Variants in REDIC1 observed in about 807,000 individuals in gnomAD.
REDIC1 encodes HEI10 Interacting Protein 1.
the REDIC1 span, chr12:39,829,802 A>G: frequency 2.9e-6 from 1 of 348,166 alleles, no homozygotes; most frequent in African/African-American, 2.1e-5. Context: ...AACAATATGC[A>G]GTGGGAGAAA....
the REDIC1 span, among the ~76,000 whole-genome samples, chr12:39,788,330 T>G: frequency 3.9e-5 from 6 of 152,178 alleles, no homozygotes; most frequent in Non-Finnish European, 5.9e-5. Context: ...TTGGGGCCAT[T>G]ATTAAGTAAC....
the REDIC1 span, among the ~76,000 whole-genome samples, chr12:39,863,898 A>G: frequency 6.6e-6 from 1 of 152,204 alleles, no homozygotes; most frequent in African/African-American, 2.4e-5. Context: ...TTAATTTCAT[A>G]TAGGGTTGTA....
the REDIC1 span, among the ~76,000 whole-genome samples, chr12:39,694,426 GTAC>G: frequency 3.7e-5 from 3 of 80,726 alleles, no homozygotes; most frequent in South Asian, 6.9e-4. Flanking sequence ...GTGATTCTGT[GTAC>G]TGGGGAGAGG....
At chr12:39,762,134 G>T in the REDIC1 span, among the ~76,000 whole-genome samples, 1 of 152,044 alleles carries the variant, frequency 6.6e-6, no homozygotes. Context: ...CTCAGTGTGG[G>T]TTCCAATGGT....
chr12:39,758,220 G>GT, the REDIC1 span: 1 of 151,562 alleles, frequency 6.6e-6, no homozygotes, highest in African/African-American at 2.4e-5. Context: ...GGGAGAAAAC[G>GT]TTTTTGTTTT....
chr12:39,685,188 C>G, the REDIC1 span, among the ~76,000 whole-genome samples: 2 of 152,160 alleles, frequency 1.3e-5, no homozygotes, highest in Non-Finnish European at 2.9e-5. Flanking sequence ...TTAAGTATTA[C>G]AAAACTTCTG....
At chr12:39,695,595 A>G in the REDIC1 span, among the ~76,000 whole-genome samples, 1 of 152,176 alleles carries the variant, frequency 6.6e-6, no homozygotes, top group Non-Finnish European at 1.5e-5. Context: ...AATACCAGGT[A>G]GACTGCTAAG....
chr12:39,643,170 A>G, the REDIC1 span, among the ~76,000 whole-genome samples: 3 of 151,712 alleles, frequency 2.0e-5, no homozygotes, highest in African/African-American at 7.2e-5. Flanking sequence ...TGTAACCTGA[A>G]AGAAAAAGAA....
At chr12:39,808,239 C>A in the REDIC1 span, among the ~76,000 whole-genome samples, 1 of 152,084 alleles carries the variant, frequency 6.6e-6, no homozygotes, top group Non-Finnish European at 1.5e-5. Flanking sequence ...TTGCCCAACA[C>A]AATGTTTCTG....
At chr12:39,755,162 T>TATC in the REDIC1 span, 6 of 152,124 alleles carry the variant, frequency 3.9e-5, no homozygotes, top group Admixed American at 3.9e-4. Context: ...TTTACATGTA[T>TATC]ATCACTAAAT....
At chr12:39,653,499 T>TCTA in the REDIC1 span, among the ~76,000 whole-genome samples, 1 of 35,308 alleles carries the variant, frequency 2.8e-5, no homozygotes, top group South Asian at 6.4e-4. Context: ...GATGTCTTCT[T>TCTA]CTTCTTCTTC....
the REDIC1 span, among the ~76,000 whole-genome samples, chr12:39,841,594 G>A: frequency 6.6e-6 from 1 of 151,996 alleles, no homozygotes; most frequent in African/African-American, 2.4e-5. Flanking sequence ...GTAAATAAAT[G>A]TGTGCATAAT....
chr12:39,701,640 T>C, the REDIC1 span, among the ~76,000 whole-genome samples: 20 of 152,294 alleles, frequency 1.3e-4, no homozygotes, highest in African/African-American at 4.6e-4. Context: ...ATATACATTT[T>C]TTTCAGCACC....
At chr12:39,664,665 T>C in the REDIC1 span, among the ~76,000 whole-genome samples, 2 of 152,248 alleles carry the variant, frequency 1.3e-5, no homozygotes, top group Non-Finnish European at 2.9e-5. Context: ...TCTTCCACAA[T>C]GGTTGAACTA....
At chr12:39,673,951 T>C in the REDIC1 span, among the ~76,000 whole-genome samples, 1 of 152,224 alleles carries the variant, frequency 6.6e-6, no homozygotes, top group African/African-American at 2.4e-5. Context: ...AAAGGCTTAT[T>C]TAGATAATGA....
the REDIC1 span, among the ~76,000 whole-genome samples, chr12:39,737,279 TTGTTGCTTTGTTTACGTTAGCTA>T: frequency 6.6e-6 from 1 of 152,240 alleles, no homozygotes; most frequent in Non-Finnish European, 1.5e-5. Flanking sequence ...AAGTTTGTTC[TTGTTGCTTTGTTTACGTTAGCTA>T]TGTTCTATCC....
chr12:39,638,188 A>G, the REDIC1 span, among the ~76,000 whole-genome samples: 1 of 152,034 alleles, frequency 6.6e-6, no homozygotes, highest in African/African-American at 2.4e-5. Flanking sequence ...TCTAAGCTCA[A>G]TTTTGGTGTT....
the REDIC1 span, among the ~76,000 whole-genome samples, chr12:39,899,786 C>A: frequency 6.6e-6 from 1 of 152,022 alleles, no homozygotes; most frequent in Non-Finnish European, 1.5e-5. Context: ...TGTAGTTGAG[C>A]AGTTTTGAGT....
At chr12:39,712,349 T>C in the REDIC1 span, among the ~76,000 whole-genome samples, 1 of 122,976 alleles carries the variant, frequency 8.1e-6, no homozygotes, top group South Asian at 2.4e-4. Context: ...TGTATTTATA[T>C]ATACATACAT....
Sources: gnomAD v4.1 joint callset for allele counts (sites outside exome capture counted in the v4.1 genomes callset) on GRCh38, gnomAD v4.1.1 for gene constraint, MANE v1.5 for transcripts, NCBI Gene and HGNC (gene_info 2026-07-23, HGNC 2026-07-21) for gene names.